The following TTN variants were observed in gnomAD, a reference collection of about 807,000 sequenced individuals.
TTN encodes the protein titin.
A neutral mutation model predicts 3,223.0 loss-of-function variants in TTN; 1,525 were observed. That is an observed-to-expected ratio of 0.47 (90% CI 0.45 to 0.49). The LOEUF (loss-of-function observed/expected upper bound fraction) is 0.49. Ranked by LOEUF, TTN falls within the 20% of genes least tolerant of loss-of-function variation. The pLI is 0.00. For synonymous variants in TTN, 14,094 were observed against 15,161.0 expected, an observed-to-expected ratio of 0.93 and a Z score of 5.17; for missense variants, 40,786 against 43,424.0, an observed-to-expected ratio of 0.94 and a Z score of 5.40.
Position 178,773,852 on chromosome 2 carries a change from C to A in TTN, c.7316G>T (p.Arg2439Leu), listed in dbSNP as rs142129359. 6.2e-7 allele frequency: 1 copy of A among 1,614,026 alleles called. No homozygotes were observed. The highest frequency in any genetic ancestry group is 8.5e-7 in the Non-Finnish European group (1 of 1,179,966). The change falls in exon 31 of 363, where the codon CGT (arginine) becomes CTT (leucine). Residue 2439 changes from arginine to leucine, a missense_variant. Arg to Leu is a moderately radical substitution (Grantham distance 102). Transcript: ENST00000589042. ...IPALGLSTSG[R>L]VSVYSVDVIT... is the part of the protein sequence containing the mutation. Reference sequence around the variant, plus strand: ...TTAGGACTCACTATAGACAGAGACACGCCCACTGGTGGAGAGGCCAAGGGC... The same window carrying A: ...TTAGGACTCACTATAGACAGAGACAAGCCCACTGGTGGAGAGGCCAAGGGC...
At position 178,574,448 on chromosome 2, in the gene TTN, A is replaced by G; in HGVS notation, c.71684T>C (p.Ile23895Thr). The stretch of plus-strand genomic sequence containing the variant: ...TGCAATCACCCGGAACTCATAAGCA[A>G]TACCATCTGTAAGTCCACTTGATTT... ...IFKSSGLTDG[I>T]AYEFRVIAEN... The change falls in exon 326 of 363, where the codon ATT becomes ACT. Residue 23895 changes from isoleucine (I) to threonine (T), a missense_variant. Ile to Thr is a moderately conservative substitution (Grantham distance 89, BLOSUM62 -1). Transcript: ENST00000589042. 1.9e-6 allele frequency: 3 copies of G among 1,613,626 alleles called. No individual in the cohort carries two copies. Among genetic ancestry groups the G allele is most frequent in the Non-Finnish European group, 2.5e-6 (3 of 1,179,656 alleles).
At position 178,757,809 on chromosome 2, in the gene TTN, G is replaced by C. The variant is rs373569134; in HGVS notation, c.10411C>G (p.Leu3471Val). The change falls in exon 45 of 363, where the codon CTG becomes GTG. Residue 3471 changes from leucine to valine, a missense_variant. Leu to Val is a conservative substitution (Grantham distance 32, BLOSUM62 1). Transcript: ENST00000589042. ...CCGTTGTGCACCCTGAGGCTTGACAGAGGCTGGATGAAGCTGGGCTTTTGG... is the reference window on the plus strand; with the variant it reads ...CCGTTGTGCACCCTGAGGCTTGACACAGGCTGGATGAAGCTGGGCTTTTGG... ...LGQKPSFIQP[L>V]SSLRVHNGET... 36 of 1,611,366 alleles carry C rather than the reference G, an allele frequency of 2.2e-5. No individual in the cohort carries two copies. Among genetic ancestry groups the C allele is most frequent in the Non-Finnish European group, 2.7e-5 (32 of 1,178,218 alleles).
rs1402565035 is a variant in TTN at position 178,663,707 on chromosome 2, G to C, written c.36452C>G (p.Pro12151Arg). The C allele has an allele frequency of 3.7e-6, 6 of 1,613,042 alleles. No homozygotes were observed. In the Admixed American group the frequency reaches 1.0e-4, roughly 27 times the overall value. The change falls in exon 171 of 363, where the codon CCA (proline) becomes CGA (arginine). Residue 12151 changes from proline (P) to arginine (R), a missense_variant. Pro to Arg is a moderately radical substitution (Grantham distance 103). Transcript: ENST00000589042. Reference protein sequence around the residue: ...KEPEVPPVKVPEPPKEVVPEK... With the variant: ...KEPEVPPVKVREPPKEVVPEK... ...AGGAACTACTTCTTTGGGAGGCTCT[G>C]GTACTTAAAAGATATTAGCAAAATT...
At position 178,750,747 on chromosome 2, in the gene TTN, T is replaced by G. The variant is rs794729590; in HGVS notation, c.11311+2377A>C. On this transcript the variant is annotated intron_variant, in intron 47 of 362. Transcript: ENST00000589042. ...TCACTTTCTTCAACATTTACAAGTG[T>G]ACCAAAAGATTCGCTGGCATGTGGT... 1.1e-5 allele frequency: 18 copies of G among 1,613,040 alleles called. No homozygotes were observed. Among genetic ancestry groups the G allele is most frequent in the Non-Finnish European group, 1.4e-5 (16 of 1,179,470 alleles).
chr2:178,757,230 A>ACTTGCTTTAAGTACAG (rs1227467101), intron 45 of TTN, among the ~76,000 whole-genome samples: 1 of 16,360 alleles, frequency 6.1e-5, no homozygotes, highest in Admixed American at 5.2e-4. Flanking sequence ...GTAAGTAATA[A>ACTTGCTTTAAGTACAG]TCAGCAAATA....
chr2:178,760,734 T>C (rs2088870249), intron 43 of TTN, among the ~76,000 whole-genome samples: 1 of 152,210 alleles, frequency 6.6e-6, no homozygotes, highest in Admixed American at 6.5e-5. Context: ...TCAGTCATTA[T>C]AGCAAGAATA....
At chr2:178,726,112 T>G in intron 69 of TTN, 66 bp from the exon 70 acceptor site, 1 of 1,481,714 alleles carries the variant, frequency 6.7e-7, no homozygotes, top group South Asian at 1.5e-5. Context: ...ATTTTTTATT[T>G]GTCTTTAAAT....
chr2:178,543,942 A>C lies in TTN; in HGVS notation c.96202T>G (p.Ser32068Ala). 1.2e-6 allele frequency: 2 copies of C among 1,613,710 alleles called. No individual in the cohort carries two copies. Among genetic ancestry groups the C allele is most frequent in the South Asian group, 2.2e-5 (2 of 91,082 alleles). Residue 32068 changes from serine to alanine, a missense_variant, in exon 346 of 363, where the codon TCA becomes GCA. Transcript: ENST00000589042. Reference sequence around the variant, plus strand: ...TTAACTTTGTCCACTATTAGCAATGAGTAGCTCTCAGTGGTGTCAATAATT... The same window carrying C: ...TTAACTTTGTCCACTATTAGCAATGCGTAGCTCTCAGTGGTGTCAATAATT... ...RAIIDTTESY[S>A]LLIVDKVNRY...
chr2:178,794,092 C>CTGGT (rs1259675206), intron 8 of TTN, among the ~76,000 whole-genome samples: 1 of 152,224 alleles, frequency 6.6e-6, no homozygotes, highest in Non-Finnish European at 1.5e-5. Flanking sequence ...CTGGAATTGA[C>CTGGT]TGGTCTCTGT....
intron 49 of TTN, among the ~76,000 whole-genome samples, chr2:178,736,912 C>T (rs1243559067): frequency 6.6e-6 from 1 of 152,100 alleles, no homozygotes; most frequent in Non-Finnish European, 1.5e-5. Flanking sequence ...GGAACCTCAT[C>T]GTTTTCACAT....
chr2:178,800,332 G>T, intron 4 of TTN, 63 bp downstream of exon 4: 1 of 1,603,578 alleles, frequency 6.2e-7, no homozygotes, highest in Non-Finnish European at 8.5e-7. Flanking sequence ...TGGACGCTTG[G>T]CCCCATTTAG....
chr2:178,550,131 CTT>C lies in TTN; in HGVS notation c.91705_91706del (p.Lys30569GlufsTer18). The C allele has an allele frequency of 6.2e-7, 1 of 1,613,820 alleles. No individual in the cohort carries two copies. Among genetic ancestry groups the C allele is most frequent in the Non-Finnish European group, 8.5e-7 (1 of 1,179,782 alleles). On this transcript the variant is annotated frameshift_variant, in exon 337 of 363. Transcript: ENST00000589042. LOFTEE classifies it high-confidence loss of function. ...TWFKDGVEIE[K>X]RMNMEITDVL... is the part of the protein sequence containing the mutation. ...CGTCGGTTATTTCCATATTCATCCT[CTT>C]TTCGATTTCCACTCCATCTTTGAAC...
At chr2:178,769,632 A>G in intron 37 of TTN, 47 bp downstream of exon 37, 1 of 1,312,288 alleles carries the variant, frequency 7.6e-7, no homozygotes, top group Non-Finnish European at 9.9e-7. Context: ...TGAATATTTG[A>G]TATTTTATAT....
chr2:178,632,624 T>C lies in TTN; in HGVS notation c.43382A>G (p.Lys14461Arg), dbSNP rs887333870. The C allele has an allele frequency of 2.5e-6, 4 of 1,613,396 alleles. No individual in the cohort carries two copies. Among genetic ancestry groups the C allele is most frequent in the Non-Finnish European group, 3.4e-6 (4 of 1,179,616 alleles). ...AGCTGACTTGATCACCATTGAATGC[T>C]TAGTGCCATCCTTTATAAGCTCAAA... ...DRFELIKDGT[K>R]HSMVIKSAAF... The change falls in exon 235 of 363, where the codon AAG becomes AGG. Residue 14461 changes from lysine to arginine, a missense_variant. By Grantham distance (26) the Lys-to-Arg change is conservative. Transcript: ENST00000589042.
chr2:178,774,832 T>A, intron 29 of TTN, 89 bp downstream of exon 29: 1 of 1,485,766 alleles, frequency 6.7e-7, no homozygotes, highest in Non-Finnish European at 9.2e-7. Context: ...AATTGTTTCA[T>A]GAAAGAAAAA....
chr2:178,534,321 G>T lies in TTN; in HGVS notation c.102294C>A (p.Ile34098=). The T allele has an allele frequency of 1.2e-6, 2 of 1,613,458 alleles. No homozygotes were observed. Among genetic ancestry groups the T allele is most frequent in the South Asian group, 2.2e-5 (2 of 91,070 alleles). The part of the protein sequence containing the change: ...LKHRRYYHTL[I]KKDLNMVVSA... Reference sequence around the variant, plus strand: ...ACACAACCATGTTGAGGTCTTTCTTGATCAGGGTGTGGTAATAACGCCGGT... The same window carrying T: ...ACACAACCATGTTGAGGTCTTTCTTTATCAGGGTGTGGTAATAACGCCGGT... The change falls in exon 358 of 363, where the codon ATC becomes ATA. Residue 34098 remains isoleucine (I), a synonymous_variant. Transcript: ENST00000589042.
At position 178,554,662 on chromosome 2, in the gene TTN, C is replaced by T. The variant is rs72648235; in HGVS notation, c.88685G>A (p.Gly29562Asp). The T allele has an allele frequency of 1.6e-4, 266 of 1,613,822 alleles. 2 individuals are homozygous for T. In the Middle Eastern group the frequency reaches 2.0e-3, roughly 12 times the overall value. Residue 29562 changes from glycine (G) to aspartate (D), a missense_variant, in exon 332 of 363, where the codon GGT (glycine) becomes GAT (aspartate). Gly to Asp is a moderately conservative substitution (Grantham distance 94). Coordinates refer to ENST00000589042, the MANE Select transcript of TTN (RefSeq NM_001267550.2). ...TLLWRPPADD[G>D]GAKITHYIVE... ...AATGTAGTGAGTGATTTTTGCACCA[C>T]CATCATCAGCTGGAGGCCGCCAGAG... is the stretch of plus-strand genomic sequence containing the variant.
chr2:178,714,928 AC>A (rs2077244570), intron 90 of TTN, 57 bp downstream of exon 90: 3 of 1,554,080 alleles, frequency 1.9e-6, no homozygotes, highest in Non-Finnish European at 2.6e-6. Flanking sequence ...GGAGGGGGCA[AC>A]AGAGTATTAC....
In TTN at chr2:178,720,251, G is replaced by A. The variant is rs754815317; in HGVS notation, c.23391C>T (p.Phe7797=). Residue 7797 remains phenylalanine, a synonymous_variant, in exon 81 of 363, where the codon TTC becomes TTT. Transcript: ENST00000589042. ...TTGAGGTGTCACTTAGCTTTTTCACGAATCGTGGAGGTTCTGATGAAAGAA... is the reference window on the plus strand; with the variant it reads ...TTGAGGTGTCACTTAGCTTTTTCACAAATCGTGGAGGTTCTGATGAAAGAA... ...CSVKFKEPPR[F]VKKLSDTSTL... 9.3e-6 allele frequency: 15 copies of A among 1,609,274 alleles called. No homozygotes were observed. The highest frequency in any genetic ancestry group is 8.4e-5 in the Admixed American group (5 of 59,674).
Sources: gnomAD v4.1 joint callset for allele counts (sites outside exome capture counted in the v4.1 genomes callset) on GRCh38, gnomAD v4.1.1 for gene constraint, MANE v1.5 for transcripts, NCBI Gene and HGNC (gene_info 2026-07-23, HGNC 2026-07-21) for gene names.